TOX: variants seen among roughly 807,000 people sequenced by gnomAD.
TOX encodes the protein thymocyte selection-associated high mobility group box protein TOX.
TOX carries 11 observed loss-of-function variants against 53.7 expected under a neutral mutation model. The ratio of observed to expected loss-of-function variants is 0.20; its 90% confidence interval spans 0.13 to 0.34. The LOEUF is 0.34. TOX is among the 10% of genes least tolerant of loss of function. TOX has a pLI of 1.00. For synonymous variants in TOX, 225 were observed against 245.3 expected, an observed-to-expected ratio of 0.92 and a Z score of 0.77; for missense variants, 570 against 664.6, an observed-to-expected ratio of 0.86 and a Z score of 1.56.
At chr8:58,885,306 A>C (rs1361765085) in intron 3 of TOX, among the ~76,000 whole-genome samples, 1 of 151,976 alleles carries the variant, frequency 6.6e-6, no homozygotes, top group Non-Finnish European at 1.5e-5. Context: ...GTTTTCTTTG[A>C]TTTCTTTGGT....
Position 58,807,517 on chromosome 8 carries a change from C to T in TOX, c.*230G>A. The T allele has an allele frequency of 2.1e-6, 1 of 479,724 alleles. No homozygotes were observed. Among genetic ancestry groups the T allele is most frequent in the East Asian group, 3.2e-5 (1 of 31,146 alleles). 29.7% of individuals were successfully genotyped at this position (479,724 alleles called of 1,614,324 possible). A position where few individuals can be genotyped will look rare whatever the true frequency, so the allele number is the denominator to read the frequency against. On this transcript the variant is annotated 3_prime_UTR_variant, in exon 9 of 9. Coordinates refer to ENST00000361421, the MANE Select transcript of TOX (RefSeq NM_014729.3). ...AAAACCAACATAAAATCTGAATGGT[C>T]CAAATTTCCTTCAGGGAAGAAGAAA...
At chr8:59,051,339 C>A (rs527872263) in intron 1 of TOX, among the ~76,000 whole-genome samples, 1 of 152,068 alleles carries the variant, frequency 6.6e-6, no homozygotes, top group African/African-American at 2.4e-5. Flanking sequence ...CTAGAACAAT[C>A]CCTAAAACCT....
chr8:59,097,963 G>A (rs1804740419), intron 1 of TOX, among the ~76,000 whole-genome samples: 1 of 151,942 alleles, frequency 6.6e-6, no homozygotes, highest in African/African-American at 2.4e-5. Flanking sequence ...TGCTTTAACT[G>A]AGATAAATTA....
chr8:58,959,480 C>A (rs77417143), intron 2 of TOX, among the ~76,000 whole-genome samples: 1 of 152,152 alleles, frequency 6.6e-6, no homozygotes, highest in Non-Finnish European at 1.5e-5. Context: ...CCTTACCTCC[C>A]CAGGAGACCG....
chr8:58,928,645 T>TAC (rs1012221373), intron 3 of TOX, among the ~76,000 whole-genome samples: 30 of 152,180 alleles, frequency 2.0e-4, no homozygotes, highest in South Asian at 1.5e-3. Context: ...TATATATATA[T>TAC]ACACACACAT....
At chr8:59,020,571 T>C (rs889631730) in intron 1 of TOX, among the ~76,000 whole-genome samples, 2 of 152,196 alleles carry the variant, frequency 1.3e-5, no homozygotes, top group African/African-American at 4.8e-5. Context: ...TGTGCCTGTA[T>C]GAACAGGCAT....
intron 3 of TOX, among the ~76,000 whole-genome samples, chr8:58,886,634 G>A (rs1230678125): frequency 2.5e-4 from 38 of 152,058 alleles, no homozygotes; most frequent in Admixed American, 2.5e-3. Flanking sequence ...AATGTTAGGA[G>A]TGATAATTAC....
chr8:58,914,020 C>T (rs1275622771), intron 3 of TOX, among the ~76,000 whole-genome samples: 1 of 152,180 alleles, frequency 6.6e-6, no homozygotes, highest in Non-Finnish European at 1.5e-5. Context: ...CACCTGGCAT[C>T]ATTTGGCAGT....
chr8:58,998,461 C>T (rs1279836774), intron 1 of TOX, among the ~76,000 whole-genome samples: 1 of 114,294 alleles, frequency 8.7e-6, no homozygotes, highest in Non-Finnish European at 1.8e-5. Flanking sequence ...TGCACTCCAG[C>T]CTAGGTGATA....
rs112929436 is a variant in TOX, at chr8:59,118,818, G to T, written c.102+68C>A. On this transcript the variant is annotated intron_variant, in intron 1 of 8. Coordinates refer to ENST00000361421, the MANE Select transcript of TOX (RefSeq NM_014729.3). This position sits in a 1 kb window ranked among gnomAD's most constrained non-coding sequence, Gnocchi z 4.1. ...CGCCAAGCCGGCCCCGCCGCGGCCCGGCCACCGCCGCTCCCCTCCCAGGAT... is the reference window on the plus strand; with the variant it reads ...CGCCAAGCCGGCCCCGCCGCGGCCCTGCCACCGCCGCTCCCCTCCCAGGAT... The T allele has an allele frequency of 2.2e-5, 29 of 1,322,990 alleles. No homozygotes were observed. In the Admixed American group the frequency reaches 4.8e-4, roughly 22 times the overall value. The allele number at this position is 1,322,990 out of a possible 1,614,324, so 82.0% of individuals were successfully genotyped here.
intron 1 of TOX, among the ~76,000 whole-genome samples, chr8:59,013,263 T>A (rs1177947711): frequency 6.6e-6 from 1 of 152,206 alleles, no homozygotes; most frequent in African/African-American, 2.4e-5. Flanking sequence ...AGCAACATCT[T>A]ATTCTGGATG....
chr8:58,854,063 C>G (rs778574981), intron 3 of TOX, among the ~76,000 whole-genome samples: 3 of 152,204 alleles, frequency 2.0e-5, no homozygotes, highest in African/African-American at 4.8e-5. Context: ...GGGCAGTCTT[C>G]TTTCCCAACC....
At position 58,851,409 on chromosome 8, in the gene TOX, C is replaced by T; in HGVS notation, c.693+115G>A. The T allele has an allele frequency of 6.7e-6, 8 of 1,188,956 alleles. No individual in the cohort carries two copies. The highest frequency in any genetic ancestry group is 5.9e-5 in the South Asian group (4 of 67,422). 73.7% of individuals were successfully genotyped at this position (1,188,956 alleles called of 1,614,324 possible). A position where few individuals can be genotyped will look rare whatever the true frequency, so the allele number is the denominator to read the frequency against. On this transcript the variant is annotated intron_variant, in intron 4 of 8. Coordinates refer to ENST00000361421, the MANE Select transcript of TOX (RefSeq NM_014729.3). This position sits in a 1 kb window ranked among gnomAD's most constrained non-coding sequence, Gnocchi z 4.4. Reference sequence around the variant, plus strand: ...GTAACCTCATGCTTCATTAACAAAGCAGGTGTCTCCCTCCAATGTTTCTCG... The same window carrying T: ...GTAACCTCATGCTTCATTAACAAAGTAGGTGTCTCCCTCCAATGTTTCTCG...
In TOX at chr8:59,092,588, T is replaced by C. The variant is rs776770284; in HGVS notation, c.102+26298A>G. On this transcript the variant is annotated intron_variant, in intron 1 of 8. Transcript: ENST00000361421. ...ATCAGCAAACAAATGCCAAGCTCTT[T>C]AACGTAACTCAAGAGGAAGGAGTCT... Among the ~76,000 whole-genome samples, 4 of 151,794 alleles carry C rather than the reference T, an allele frequency of 2.6e-5. No homozygotes were observed. In the South Asian group the frequency reaches 6.2e-4, roughly 24 times the overall value.
intron 1 of TOX, among the ~76,000 whole-genome samples, chr8:58,990,579 T>C (rs1452322709): frequency 6.6e-6 from 1 of 152,120 alleles, no homozygotes; most frequent in East Asian, 1.9e-4. Context: ...GATACTGAAG[T>C]TGCTATTGGT....
chr8:58,927,403 C>T (rs112103883), intron 3 of TOX, among the ~76,000 whole-genome samples: 2 of 152,144 alleles, frequency 1.3e-5, no homozygotes, highest in African/African-American at 4.8e-5. Context: ...AGCACGGCTC[C>T]CAGCCTCACC....
intron 1 of TOX, among the ~76,000 whole-genome samples, chr8:58,988,086 ACT>A (rs1186999522): frequency 2.0e-5 from 3 of 152,210 alleles, no homozygotes; most frequent in Non-Finnish European, 4.4e-5. Context: ...ATGAAAAAAT[ACT>A]ATCTATAAAG....
intron 3 of TOX, among the ~76,000 whole-genome samples, chr8:58,900,164 A>G (rs1327445078): frequency 6.6e-6 from 1 of 152,156 alleles, no homozygotes; most frequent in Non-Finnish European, 1.5e-5. Context: ...TTACTTATGA[A>G]CAAAGAAGTA....
At chr8:59,031,538 T>C (rs1219739021) in intron 1 of TOX, among the ~76,000 whole-genome samples, 2 of 152,186 alleles carry the variant, frequency 1.3e-5, no homozygotes, top group East Asian at 3.9e-4. Flanking sequence ...GCTTAAATTC[T>C]AGTGGGGAGA....
Sources: gnomAD v4.1 joint callset for allele counts (sites outside exome capture counted in the v4.1 genomes callset) on GRCh38, gnomAD v4.1.1 for gene constraint, Gnocchi (gnomAD v3.1) non-coding constraint, MANE v1.5 for transcripts, NCBI Gene and HGNC (gene_info 2026-07-23, HGNC 2026-07-21) for gene names.